Variants in ASTN1 observed in about 807,000 individuals in gnomAD.
ASTN1 encodes astrotactin-1.
In ASTN1, 41 loss-of-function variants were observed where a neutral mutation model predicts 140.7. The observed-to-expected ratio is 0.29, with a 90% CI of 0.23 to 0.38. The LOEUF (loss-of-function observed/expected upper bound fraction) is 0.38. Among genes scored for constraint, ASTN1 ranks in the 10% least tolerant of loss-of-function variants. ASTN1 has a pLI of 1.00. For synonymous variants in ASTN1, 640 were observed against 652.2 expected, an observed-to-expected ratio of 0.98 and a Z score of 0.29; for missense variants, 1,479 against 1,678.8, an observed-to-expected ratio of 0.88 and a Z score of 2.08.
chr1:177,098,335 T>A (rs1027482181), intron 1 of ASTN1, among the ~76,000 whole-genome samples: 1 of 152,084 alleles, frequency 6.6e-6, no homozygotes, highest in African/African-American at 2.4e-5. Context: ...TCAGGAGTGT[T>A]GTGAGTAGGA....
intron 9 of ASTN1, among the ~76,000 whole-genome samples, 175 bp downstream of exon 9, chr1:176,964,988 A>G (rs185932766): frequency 1.0e-3 from 154 of 152,306 alleles, no homozygotes; most frequent in African/African-American, 3.6e-3. Flanking sequence ...CTGACCTCCA[A>G]GTCCTCCATA....
chr1:176,860,689 G>C (rs1423597848), downstream of ASTN1, among the ~76,000 whole-genome samples: 4 of 152,098 alleles, frequency 2.6e-5, no homozygotes, highest in African/African-American at 4.8e-5. Context: ...CTTTATCATA[G>C]TCCTCCTCAC....
At position 177,092,796 on chromosome 1, in the gene ASTN1, C is replaced by T. The variant is rs549763648; in HGVS notation, c.284-31531G>A. The stretch of plus-strand genomic sequence containing the variant: ...TCATTGAATTGTCTTGGCACTCTTG[C>T]CAAAAATGAATTGTCTGTAAATATA... On this transcript the variant is annotated intron_variant, in intron 1 of 22. Coordinates refer to ENST00000361833, the MANE Select transcript of ASTN1 (RefSeq NM_004319.3). 2.0e-5 allele frequency among the ~76,000 whole-genome samples: 3 copies of T among 152,220 alleles called. No homozygotes were observed. The South Asian group carries it at 6.2e-4, about 32-fold the overall frequency.
At chr1:176,891,521 C>T (rs766864784) in intron 17 of ASTN1, among the ~76,000 whole-genome samples, 20 of 152,220 alleles carry the variant, frequency 1.3e-4, no homozygotes, top group Non-Finnish European at 1.8e-4. Flanking sequence ...AAGCCGGGCA[C>T]GGTGGCTCAT....
chr1:177,111,539 C>T (rs1215029570), intron 1 of ASTN1, among the ~76,000 whole-genome samples: 1 of 152,152 alleles, frequency 6.6e-6, no homozygotes, highest in African/African-American at 2.4e-5. Context: ...ACAAACGAAG[C>T]CCTTCCAGGG....
chr1:176,907,715 A>G (rs565204569), intron 16 of ASTN1, among the ~76,000 whole-genome samples: 4 of 152,324 alleles, frequency 2.6e-5, no homozygotes, highest in African/African-American at 9.6e-5. Context: ...AGCCCCATTC[A>G]ATGGGATGAA....
Position 177,029,738 on chromosome 1 carries a change from C to T in ASTN1, c.1016G>A (p.Gly339Asp). The stretch of plus-strand genomic sequence containing the variant: ...CCCTTCAGGGTTCAAGAAGGCGGAA[C>T]CAGCTGTAATGAAAGCAGCATGGTC... The part of the protein sequence containing the change: ...RKRINNKARA[G>D]SAFLNPEGDS... Residue 339 changes from glycine to aspartate, a missense_variant, in exon 5 of 23, where the codon GGT becomes GAT. Coordinates refer to ENST00000361833, the MANE Select transcript of ASTN1 (RefSeq NM_004319.3). The T allele has an allele frequency of 6.2e-7, 1 of 1,610,378 alleles. No individual in the cohort carries two copies. Among genetic ancestry groups the T allele is most frequent in the Non-Finnish European group, 8.5e-7 (1 of 1,177,788 alleles).
intron 9 of ASTN1, among the ~76,000 whole-genome samples, chr1:176,961,158 A>C (rs1318609875): frequency 6.6e-6 from 1 of 152,178 alleles, no homozygotes; most frequent in Non-Finnish European, 1.5e-5. Context: ...TTTAGTTTGC[A>C]CAAGTTTCTG....
rs992846846 is a variant in ASTN1 at position 177,116,613 on chromosome 1, T to C, written c.283+47781A>G. On this transcript the variant is annotated intron_variant, in intron 1 of 22. Coordinates refer to ENST00000361833, the MANE Select transcript of ASTN1 (RefSeq NM_004319.3). ...TCTACATTTGTGCTCTATTTTCACA[T>C]CCAGCATGTGCAATTTCCTGTAATG... 2.6e-5 allele frequency among the ~76,000 whole-genome samples: 4 copies of C among 152,176 alleles called. No individual in the cohort carries two copies. The South Asian group carries it at 8.3e-4, about 32-fold the overall frequency.
At chr1:177,015,097 T>C (rs1252904381) in intron 7 of ASTN1, among the ~76,000 whole-genome samples, 1 of 152,220 alleles carries the variant, frequency 6.6e-6, no homozygotes, top group African/African-American at 2.4e-5. Flanking sequence ...ATACTTTTCA[T>C]AGAAGAGGAA....
intron 16 of ASTN1, among the ~76,000 whole-genome samples, chr1:176,929,270 T>A (rs1291288139): frequency 6.6e-6 from 1 of 152,176 alleles, no homozygotes; most frequent in Non-Finnish European, 1.5e-5. Context: ...ATGGGGAGAT[T>A]ATCTTGAATT....
intron 1 of ASTN1, among the ~76,000 whole-genome samples, chr1:177,111,009 C>A (rs1282853584): frequency 1.3e-5 from 2 of 152,184 alleles, no homozygotes; most frequent in South Asian, 2.1e-4. Context: ...TTCTATGTAA[C>A]CCTCCTACAG....
chr1:177,003,056 T>C (rs1337513533), intron 8 of ASTN1, among the ~76,000 whole-genome samples: 1 of 151,570 alleles, frequency 6.6e-6, no homozygotes, highest in Non-Finnish European at 1.5e-5. Context: ...TTCTACCAAA[T>C]ATGCAAAGTA....
At chr1:176,887,968 A>G in intron 18 of ASTN1, 103 bp downstream of exon 18, 1 of 1,499,678 alleles carries the variant, frequency 6.7e-7, no homozygotes, top group Non-Finnish European at 9.1e-7. Flanking sequence ...GTATTGTGTC[A>G]TATTTTTCTT....
intron 11 of ASTN1, among the ~76,000 whole-genome samples, chr1:176,951,350 G>T (rs554096554): frequency 6.6e-6 from 1 of 152,378 alleles, no homozygotes; most frequent in South Asian, 2.1e-4. Context: ...GCACTGTGCG[G>T]CTGCCCAGGC....
intron 1 of ASTN1, among the ~76,000 whole-genome samples, chr1:177,121,223 G>A (rs931033799): frequency 6.6e-6 from 1 of 152,132 alleles, no homozygotes; most frequent in Admixed American, 6.5e-5. Flanking sequence ...GGAGTGCCGA[G>A]TGCTTTATAA....
At chr1:177,095,936 C>A (rs1166291351) in intron 1 of ASTN1, among the ~76,000 whole-genome samples, 2 of 152,144 alleles carry the variant, frequency 1.3e-5, no homozygotes, top group African/African-American at 2.4e-5. Flanking sequence ...TCTTAGAGAA[C>A]CAAGCCTAGC....
chr1:177,034,844 CG>C (rs1558047889), intron 2 of ASTN1, among the ~76,000 whole-genome samples: 1 of 152,162 alleles, frequency 6.6e-6, no homozygotes. Context: ...CTAGTGAAAA[CG>C]AGAGGTAATT....
intron 17 of ASTN1, among the ~76,000 whole-genome samples, chr1:176,893,673 T>C (rs190511318): frequency 9.8e-5 from 15 of 152,294 alleles, no homozygotes; most frequent in African/African-American, 3.4e-4. Flanking sequence ...GGCACACCTC[T>C]CAGGCAGGTA....
Sources: gnomAD v4.1 joint callset for allele counts (sites outside exome capture counted in the v4.1 genomes callset) on GRCh38, gnomAD v4.1.1 for gene constraint, MANE v1.5 for transcripts, NCBI Gene and HGNC (gene_info 2026-07-23, HGNC 2026-07-21) for gene names.